The following NDFIP2 variants were observed in gnomAD, a reference collection of about 807,000 sequenced individuals.
NDFIP2 encodes Nedd4 family interacting protein 2, also known as NEDD4 family-interacting protein 2.
A neutral mutation model predicts 36.0 loss-of-function variants in NDFIP2; 19 were observed. The ratio of observed to expected loss-of-function variants is 0.53; its 90% CI spans 0.37 to 0.77. The LOEUF is 0.77. NDFIP2 is among the 30% of genes least tolerant of loss of function. NDFIP2 has a pLI of 0.00. For missense variants in NDFIP2, 446 were observed against 435.8 expected (o/e 1.02, Z -0.21); for synonymous variants, 181 against 167.7 (o/e 1.08, Z -0.61).
intron 6 of NDFIP2, among the ~76,000 whole-genome samples, chr13:79,549,867 G>A (rs1324715704): frequency 1.3e-5 from 2 of 151,860 alleles, no homozygotes; most frequent in Admixed American, 6.6e-5. Flanking sequence ...GTTAGGATAT[G>A]GGAAGCAGAT....
rs559690384 is a variant in NDFIP2 at position 79,486,083 on chromosome 13, A to G, written c.321+4559A>G. 2.0e-5 allele frequency among the ~76,000 whole-genome samples: 3 copies of G among 152,258 alleles called. No individual in the cohort carries two copies. In the East Asian group the frequency reaches 5.8e-4, roughly 29 times the overall value. On this transcript the variant is annotated intron_variant, in intron 1 of 7. Coordinates refer to ENST00000218652, the MANE Select transcript of NDFIP2 (RefSeq NM_019080.3). ...TATTCAACACAACTTTGTTTCATGC[A>G]CATATAGTCACGTTCATCTTTGGGT...
chr13:79,537,308 G>A (rs1179162519), intron 3 of NDFIP2, among the ~76,000 whole-genome samples: 1 of 151,878 alleles, frequency 6.6e-6, no homozygotes, highest in Admixed American at 6.6e-5. Flanking sequence ...GATGGGTTTC[G>A]CCATGTTGGT....
chr13:79,485,334 G>C (rs1872925927), intron 1 of NDFIP2, among the ~76,000 whole-genome samples: 2 of 152,166 alleles, frequency 1.3e-5, no homozygotes, highest in African/African-American at 4.8e-5. Flanking sequence ...CTTATTAGAA[G>C]AAACAGCTCA....
chr13:79,495,707 A>G (rs753304357), intron 1 of NDFIP2, among the ~76,000 whole-genome samples: 3 of 151,800 alleles, frequency 2.0e-5, no homozygotes, highest in Admixed American at 6.6e-5. Flanking sequence ...AATTGTTGAT[A>G]TGGTTGGTTT....
In NDFIP2 at chr13:79,555,854, C is replaced by G. The variant is rs1308789606; in HGVS notation, c.*3341C>G. On this transcript the variant is annotated 3_prime_UTR_variant, in exon 8 of 8. Coordinates refer to ENST00000218652, the MANE Select transcript of NDFIP2 (RefSeq NM_019080.3). ...AGTTGTATAGATGTGGAAGTGTGAACCTGTGATGCATCCTTTTCAAAATCA... is the reference window on the plus strand; with the variant it reads ...AGTTGTATAGATGTGGAAGTGTGAAGCTGTGATGCATCCTTTTCAAAATCA... 1.3e-5 allele frequency: 2 copies of G among 152,008 alleles called. No homozygotes were observed. Among genetic ancestry groups the G allele is most frequent in the Non-Finnish European group, 2.9e-5 (2 of 67,982 alleles). The allele number at this position is 152,008 out of a possible 1,614,324, so 9.4% of individuals were successfully genotyped here.
At chr13:79,482,081 C>G (rs929448176) in intron 1 of NDFIP2, among the ~76,000 whole-genome samples, 1 of 151,640 alleles carries the variant, frequency 6.6e-6, no homozygotes, top group African/African-American at 2.4e-5. Context: ...TGCTCGTTAA[C>G]CTTGTCATTT....
intron 1 of NDFIP2, among the ~76,000 whole-genome samples, chr13:79,495,564 T>G (rs1407356809): frequency 6.6e-6 from 1 of 151,936 alleles, no homozygotes; most frequent in Non-Finnish European, 1.5e-5. Flanking sequence ...CTAAATATTT[T>G]TGTGTGGTGT....
At position 79,497,793 on chromosome 13, in the gene NDFIP2, G is replaced by GTGTGTGTGTGTGT. The variant is rs1566655451; in HGVS notation, c.321+16269_321+16270insTGTGTGTGTGTGT. Among the ~76,000 whole-genome samples, 32 of 92,932 alleles carry GTGTGTGTGTGTGT rather than the reference G, an allele frequency of 3.4e-4. No homozygotes were observed. In the East Asian group the frequency reaches 3.5e-3, roughly 10 times the overall value. The allele number at this position is 92,932 out of a possible 152,430, so 61.0% of individuals were successfully genotyped here. On this transcript the variant is annotated intron_variant, in intron 1 of 7. Coordinates refer to ENST00000218652, the MANE Select transcript of NDFIP2 (RefSeq NM_019080.3). ...GCCCATTTAAATCCTTTATCTGTGG[G>GTGTGTGTGTGTGT]GGGTGTGTGTGTGTGTGTGTGTGTG...
At chr13:79,499,753 GGATA>G (rs1438801792) in intron 1 of NDFIP2, among the ~76,000 whole-genome samples, 1 of 151,946 alleles carries the variant, frequency 6.6e-6, no homozygotes, top group Non-Finnish European at 1.5e-5. Flanking sequence ...CCATGTTCAT[GGATA>G]GATAGACTCA....
intron 1 of NDFIP2, among the ~76,000 whole-genome samples, chr13:79,514,837 T>A (rs1594848950): frequency 6.6e-6 from 1 of 152,172 alleles, no homozygotes; most frequent in Non-Finnish European, 1.5e-5. Context: ...TACATTTTTT[T>A]AAAAAGATAC....
intron 1 of NDFIP2, among the ~76,000 whole-genome samples, chr13:79,495,326 A>G (rs184030056): frequency 3.9e-5 from 6 of 152,080 alleles, no homozygotes; most frequent in Non-Finnish European, 8.8e-5. Flanking sequence ...AAAATCTGCA[A>G]TGATTTAATG....
chr13:79,488,828 G>T (rs185368242), intron 1 of NDFIP2, among the ~76,000 whole-genome samples: 1 of 152,196 alleles, frequency 6.6e-6, no homozygotes, highest in Admixed American at 6.5e-5. Flanking sequence ...AGAAAATAAA[G>T]CAAGTTGATG....
At chr13:79,551,297 TA>T (rs1430940332) in intron 7 of NDFIP2, among the ~76,000 whole-genome samples, 175 bp downstream of exon 7, 1 of 151,534 alleles carries the variant, frequency 6.6e-6, no homozygotes, top group Non-Finnish European at 1.5e-5. Flanking sequence ...CCTTTTTAGA[TA>T]ACTTTTAGAT....
intron 1 of NDFIP2, among the ~76,000 whole-genome samples, chr13:79,509,536 T>C (rs961084421): frequency 1.3e-5 from 2 of 152,146 alleles, no homozygotes; most frequent in Non-Finnish European, 2.9e-5. Context: ...TTGATTTTAA[T>C]GGTAAAGAGG....
At chr13:79,493,190 T>A (rs998393286) in intron 1 of NDFIP2, among the ~76,000 whole-genome samples, 1 of 152,196 alleles carries the variant, frequency 6.6e-6, no homozygotes, top group Non-Finnish European at 1.5e-5. Context: ...TAAATACTTA[T>A]TAAAGAAATA....
At chr13:79,488,825 A>G (rs1873117400) in intron 1 of NDFIP2, among the ~76,000 whole-genome samples, 1 of 152,226 alleles carries the variant, frequency 6.6e-6, no homozygotes, top group Non-Finnish European at 1.5e-5. Context: ...TGAAGAAAAT[A>G]AAGCAAGTTG....
intron 3 of NDFIP2, 43 bp from the exon 4 acceptor site, chr13:79,539,639 G>T: frequency 6.7e-7 from 1 of 1,487,668 alleles, no homozygotes; most frequent in Non-Finnish European, 9.4e-7. Context: ...AGATGATAAA[G>T]TTGTAATTTT....
intron 1 of NDFIP2, among the ~76,000 whole-genome samples, chr13:79,483,245 G>A (rs987748812): frequency 4.6e-5 from 7 of 152,072 alleles, no homozygotes; most frequent in Admixed American, 6.5e-5. Context: ...GTAGGACATC[G>A]ATCTGTTCTC....
chr13:79,543,547 G>A lies in NDFIP2; in HGVS notation c.716-11G>A. The stretch of plus-strand genomic sequence containing the variant: ...TGTGGTTTATAAAAGAACGGTTTCT[G>A]TTGCTTTTAGTGGCATTTATTTTCA... On this transcript the variant is annotated splice_polypyrimidine_tract_variant and intron_variant, in intron 4 of 7. Transcript: ENST00000218652. The A allele has an allele frequency of 6.2e-7, 1 of 1,613,246 alleles. No homozygotes were observed. The highest frequency in any genetic ancestry group is 2.2e-5 in the East Asian group (1 of 44,810).
Sources: allele counts gnomAD v4.1 joint callset (sites outside exome capture counted in the v4.1 genomes callset), GRCh38; gene constraint gnomAD v4.1.1; transcripts MANE v1.5; gene names NCBI Gene and HGNC (gene_info 2026-07-23, HGNC 2026-07-21).